BLK: variants seen among roughly 807,000 people sequenced by gnomAD.
BLK encodes BLK proto-oncogene, Src family tyrosine kinase.
BLK carries 64 observed loss-of-function variants against 61.8 expected under a neutral mutation model. The ratio of observed to expected loss-of-function variants is 1.03; its 90% CI spans 0.85 to 1.27. The LOEUF (loss-of-function observed/expected upper bound fraction) is 1.27, where lower values mean the gene tolerates loss of function less well. Among genes scored for constraint, BLK ranks in the 50% most tolerant of loss-of-function variants. The probability of loss-of-function intolerance (pLI) is 0.00; values close to 1 mark genes in which losing one functional copy is unlikely to be tolerated. For synonymous variants in BLK, 351 were observed against 272.0 expected (o/e 1.29, Z -2.86); for missense variants, 853 against 660.5 (o/e 1.29, Z -3.19).
At chr8:11,557,184 T>G (rs1380588676) in intron 9 of BLK, among the ~76,000 whole-genome samples, 1 of 152,200 alleles carries the variant, frequency 6.6e-6, no homozygotes, top group Non-Finnish European at 1.5e-5. Context: ...GGGACAGTAC[T>G]AGATCCAGGT....
intron 1 of BLK, among the ~76,000 whole-genome samples, chr8:11,517,618 G>A (rs1799278633): frequency 6.6e-6 from 1 of 152,246 alleles, no homozygotes; most frequent in South Asian, 2.1e-4. Context: ...GCTTTTCTCA[G>A]GTGTGTGGGA....
chr8:11,529,613 G>A (rs1321392561), intron 1 of BLK, among the ~76,000 whole-genome samples: 1 of 152,114 alleles, frequency 6.6e-6, no homozygotes, highest in Admixed American at 6.6e-5. Context: ...TTCTAATCCT[G>A]TGGCTAATTT....
intron 1 of BLK, among the ~76,000 whole-genome samples, chr8:11,525,186 C>T (rs1234999594): frequency 1.3e-5 from 2 of 152,194 alleles, no homozygotes; most frequent in Non-Finnish European, 2.9e-5. Context: ...CTCAGAGGCA[C>T]ACAGACGTAT....
chr8:11,504,417 A>AAAG (rs1563420851), intron 1 of BLK, among the ~76,000 whole-genome samples: 5 of 139,746 alleles, frequency 3.6e-5, no homozygotes, highest in African/African-American at 1.1e-4. Context: ...AAAAGAAAAA[A>AAAG]AAAAGAAAAG....
In BLK at chr8:11,543,328, C is replaced by T. The variant is rs765828168; in HGVS notation, c.104C>T (p.Ala35Val). The T allele has an allele frequency of 1.1e-5, 18 of 1,613,110 alleles. No homozygotes were observed. Among genetic ancestry groups the T allele is most frequent in the South Asian group, 1.1e-5 (1 of 91,068 alleles). Residue 35 changes from alanine to valine, a missense_variant, in exon 2 of 13, where the codon GCC becomes GTC. By Grantham distance (64) the Ala-to-Val change is moderately conservative. Transcript: ENST00000259089. ...AAGGTCAGCGCCCAAGACAAGGACGCCCCGCCACTGCCGCCCCTGGTGAGT... is the reference window on the plus strand; with the variant it reads ...AAGGTCAGCGCCCAAGACAAGGACGTCCCGCCACTGCCGCCCCTGGTGAGT... ...PLKVSAQDKD[A>V]PPLPPLVVFN...
Position 11,548,128 on chromosome 8 carries a change from G to A in BLK, c.269+3G>A, listed in dbSNP as rs1042946025. ...GAGAAGCTACAGGTCCTGAAGGGGTGAGGTTCCAGGACACCATCCCCTGTC... is the reference window on the plus strand; with the variant it reads ...GAGAAGCTACAGGTCCTGAAGGGGTAAGGTTCCAGGACACCATCCCCTGTC... On this transcript the variant is annotated splice_donor_region_variant and intron_variant, in intron 4 of 12. Transcript: ENST00000259089. 5 of 1,610,966 alleles carry A rather than the reference G, an allele frequency of 3.1e-6. No individual in the cohort carries two copies. The highest frequency in any genetic ancestry group is 2.5e-6 in the Non-Finnish European group (3 of 1,178,260).
chr8:11,562,150 G>T (rs1801526856), intron 11 of BLK, among the ~76,000 whole-genome samples: 1 of 152,176 alleles, frequency 6.6e-6, no homozygotes, highest in East Asian at 1.9e-4. Context: ...ACCTTCCATG[G>T]AATTAGGCTT....
At chr8:11,551,374 G>C (rs1389117783) in intron 6 of BLK, among the ~76,000 whole-genome samples, 1 of 152,100 alleles carries the variant, frequency 6.6e-6, no homozygotes, top group Non-Finnish European at 1.5e-5. Flanking sequence ...TCACGTGGCC[G>C]TCCCTCCATG....
At chr8:11,499,736 C>A (rs1367702697) in intron 1 of BLK, among the ~76,000 whole-genome samples, 1 of 152,194 alleles carries the variant, frequency 6.6e-6, no homozygotes, top group Non-Finnish European at 1.5e-5. Context: ...ACTCTTCAAA[C>A]TGATTATTTT....
chr8:11,538,993 C>A (rs1031280730), intron 1 of BLK, among the ~76,000 whole-genome samples: 1 of 152,018 alleles, frequency 6.6e-6, no homozygotes, highest in South Asian at 2.1e-4. Context: ...CACATGAAGT[C>A]TTATAATCCA....
intron 1 of BLK, among the ~76,000 whole-genome samples, chr8:11,526,661 G>C (rs1563441490): frequency 6.6e-6 from 1 of 152,228 alleles, no homozygotes; most frequent in African/African-American, 2.4e-5. Context: ...GGAGGTTGCA[G>C]TGAGCTGAGA....
rs1437243282 is a variant in BLK at position 11,546,053 on chromosome 8, T to C, written c.125T>C (p.Val42Ala). Residue 42 changes from valine to alanine, a missense_variant and splice_region_variant, in exon 3 of 13, where the codon GTT becomes GCT. Val to Ala is a moderately conservative substitution (Grantham distance 64). Coordinates refer to ENST00000259089, the MANE Select transcript of BLK (RefSeq NM_001715.3). Reference protein sequence around the residue: ...DKDAPPLPPLVVFNHLTPPPP... With the variant: ...DKDAPPLPPLAVFNHLTPPPP... ...TCAAGTGTGTGTTTTCTACCCAAGG[T>C]TGTCTTCAACCACCTTACTCCTCCA... is the stretch of plus-strand genomic sequence containing the variant. The C allele has an allele frequency of 6.2e-7, 1 of 1,614,124 alleles. No homozygotes were observed. The highest frequency in any genetic ancestry group is 1.1e-5 in the South Asian group (1 of 91,072).
At chr8:11,552,574 C>G (rs933620412) in intron 6 of BLK, 1 of 152,132 alleles carries the variant, frequency 6.6e-6, no homozygotes, top group Non-Finnish European at 1.5e-5. Flanking sequence ...ACCCCTGGTA[C>G]CCAACAGCCA....
At chr8:11,561,505 TC>T in intron 11 of BLK, 53 bp downstream of exon 11, 1 of 1,595,090 alleles carries the variant, frequency 6.3e-7, no homozygotes, top group Admixed American at 1.7e-5. Context: ...CTTTCCCAGC[TC>T]CTCAAAGCCG....
At chr8:11,549,410 C>A (rs890352438) in intron 5 of BLK, among the ~76,000 whole-genome samples, 4 of 152,224 alleles carry the variant, frequency 2.6e-5, no homozygotes, top group Admixed American at 1.3e-4. Context: ...GCCTCGAAGG[C>A]TACCAGGGAG....
At chr8:11,498,713 C>T (rs1798447162) in intron 1 of BLK, among the ~76,000 whole-genome samples, 1 of 152,194 alleles carries the variant, frequency 6.6e-6, no homozygotes, top group African/African-American at 2.4e-5. Flanking sequence ...TTTGACCCCA[C>T]TGTATACGAG....
intron 1 of BLK, among the ~76,000 whole-genome samples, chr8:11,497,345 G>A (rs1365523938): frequency 1.3e-5 from 2 of 152,152 alleles, no homozygotes; most frequent in Admixed American, 6.5e-5. Flanking sequence ...TCCCTGGCGT[G>A]CTCCTGCTTG....
chr8:11,532,111 G>A (rs111609688), intron 1 of BLK, among the ~76,000 whole-genome samples: 141 of 151,902 alleles, frequency 9.3e-4, no homozygotes, highest in African/African-American at 3.0e-3. Context: ...CACCTGCTTC[G>A]GCCTCCCAAA....
At chr8:11,499,179 C>T (rs1413855835) in intron 1 of BLK, among the ~76,000 whole-genome samples, 1 of 152,194 alleles carries the variant, frequency 6.6e-6, no homozygotes, top group Admixed American at 6.5e-5. Context: ...TGTTTAGAGA[C>T]ACAAATATTC....
Sources: allele counts gnomAD v4.1 joint callset (sites outside exome capture counted in the v4.1 genomes callset), GRCh38; gene constraint gnomAD v4.1.1; transcripts MANE v1.5; gene names NCBI Gene and HGNC (gene_info 2026-07-23, HGNC 2026-07-21).